The following PCDHGA4 variants were observed in gnomAD, a reference collection of about 807,000 sequenced individuals.
PCDHGA4 encodes the protein protocadherin gamma subfamily A, 4.
PCDHGA4 carries 38 observed loss-of-function variants against 54.6 expected under a neutral mutation model. The observed-to-expected ratio is 0.70, with a 90% CI of 0.54 to 0.91. The LOEUF (loss-of-function observed/expected upper bound fraction) is 0.91, where lower values mean the gene tolerates loss of function less well. Ranked by LOEUF, PCDHGA4 falls within the 40% of genes least tolerant of loss-of-function variation. The pLI, the probability that PCDHGA4 is intolerant of heterozygous loss-of-function variation, is 0.00. For synonymous variants in PCDHGA4, 511 were observed against 512.9 expected, an observed-to-expected ratio of 1.00 and a Z score of 0.05; for missense variants, 1,298 against 1,220.9, an observed-to-expected ratio of 1.06 and a Z score of -0.94.
chr5:141,373,958 C>T, intron 1 of PCDHGA4: 1 of 917,866 alleles, frequency 1.1e-6, no homozygotes, highest in Non-Finnish European at 1.5e-6. Context: ...AAATTCTGAC[C>T]TGAAACGCTT....
In PCDHGA4 at chr5:141,432,184, C is replaced by G; in HGVS notation, c.2515-62623C>G. 1 of 1,614,164 alleles carries G rather than the reference C, an allele frequency of 6.2e-7. No individual in the cohort carries two copies. The highest frequency in any genetic ancestry group is 2.2e-5 in the East Asian group (1 of 44,872). On this transcript the variant is annotated intron_variant, in intron 1 of 3. Coordinates refer to ENST00000571252, the MANE Select transcript of PCDHGA4 (RefSeq NM_018917.4). This position sits in a 1 kb window ranked among gnomAD's most constrained non-coding sequence, Gnocchi z 6.0. Reference sequence around the variant, plus strand: ...GAGGAGTTTCCCTCGTCTCTGTGACCGCCCACGACCCCGACTGTGAAGAGA... The same window carrying G: ...GAGGAGTTTCCCTCGTCTCTGTGACGGCCCACGACCCCGACTGTGAAGAGA...
At chr5:141,409,734 G>A in intron 1 of PCDHGA4, 1 of 1,613,144 alleles carries the variant, frequency 6.2e-7, no homozygotes, top group East Asian at 2.2e-5. Flanking sequence ...AGCGCGCAGA[G>A]CGGGGTGGTG....
chr5:141,376,110 G>C (rs772810239), intron 1 of PCDHGA4: 1 of 1,613,644 alleles, frequency 6.2e-7, no homozygotes. Context: ...GCCGACCTGG[G>C]CAGCCTCGAG....
chr5:141,419,469 A>G, intron 1 of PCDHGA4: 1 of 1,612,490 alleles, frequency 6.2e-7, no homozygotes, highest in South Asian at 1.1e-5. Context: ...GCCCGCGACC[A>G]GGGCTCGCCC....
At chr5:141,413,702 T>G (rs1448671585) in intron 1 of PCDHGA4, 4 of 1,613,606 alleles carry the variant, frequency 2.5e-6, no homozygotes, top group Non-Finnish European at 3.4e-6. Flanking sequence ...AGCTATCAGC[T>G]CAGCCCCAAT....
chr5:141,393,003 G>A (rs1202314944), intron 1 of PCDHGA4: 1 of 1,613,882 alleles, frequency 6.2e-7, no homozygotes, highest in East Asian at 2.2e-5. Flanking sequence ...GAAGCACGGA[G>A]TCCGTATCGT....
chr5:141,378,930 G>T (rs1588866145), intron 1 of PCDHGA4: 1 of 152,190 alleles, frequency 6.6e-6, no homozygotes, highest in East Asian at 1.9e-4. Flanking sequence ...GTAAGTTGAT[G>T]GCCCTGGAAT....
In PCDHGA4 at chr5:141,477,605, T is replaced by A. The variant is rs1339408637; in HGVS notation, c.2515-17202T>A. On this transcript the variant is annotated intron_variant, in intron 1 of 3. Transcript: ENST00000571252. This position sits in a 1 kb window ranked among gnomAD's most constrained non-coding sequence, Gnocchi z 4.9. ...GAATGCTCGGCTTTCTTTCTTTCTCTTGGAGCAAGGAGCTGAAACCGGGCT... is the reference window on the plus strand; with the variant it reads ...GAATGCTCGGCTTTCTTTCTTTCTCATGGAGCAAGGAGCTGAAACCGGGCT... The A allele has an allele frequency of 6.2e-6, 10 of 1,614,102 alleles. No individual in the cohort carries two copies. In the South Asian group the frequency reaches 1.1e-4, roughly 18 times the overall value.
chr5:141,460,511 A>G (rs533913282), intron 1 of PCDHGA4, among the ~76,000 whole-genome samples: 2 of 152,286 alleles, frequency 1.3e-5, no homozygotes, highest in Admixed American at 1.3e-4. Context: ...TGAGAAGGCT[A>G]TCTTTTCCCC....
Position 141,356,831 on chromosome 5 carries a change from G to T in PCDHGA4, c.1724G>T (p.Ser575Ile), listed in dbSNP as rs763145787. ...ASDSGDPPLSSNVSLSLFVLD... is the reference protein window; with the variant it reads ...ASDSGDPPLSINVSLSLFVLD... ...GACAGTGGAGACCCTCCACTCAGCA[G>T]CAATGTGTCACTGAGCCTCTTTGTG... The change falls in exon 1 of 4, where the codon AGC (serine) becomes ATC (isoleucine). Residue 575 changes from serine to isoleucine, a missense_variant. Transcript: ENST00000571252. 40 of 1,614,030 alleles carry T rather than the reference G, an allele frequency of 2.5e-5. No individual in the cohort carries two copies. The highest frequency in any genetic ancestry group is 3.2e-5 in the Non-Finnish European group (38 of 1,180,004).
chr5:141,404,917 G>T (rs750464541), intron 1 of PCDHGA4: 6 of 1,613,652 alleles, frequency 3.7e-6, no homozygotes, highest in East Asian at 2.2e-5. Flanking sequence ...CCCCTCTCTC[G>T]GCCACTGTCA....
chr5:141,505,118 C>T (rs544825360), intron 2 of PCDHGA4, among the ~76,000 whole-genome samples: 32 of 152,222 alleles, frequency 2.1e-4, no homozygotes, highest in African/African-American at 7.5e-4. Flanking sequence ...GCCAAGATCG[C>T]GCCACTGCAC....
chr5:141,450,183 A>G (rs1461369835), intron 1 of PCDHGA4, among the ~76,000 whole-genome samples: 1 of 151,558 alleles, frequency 6.6e-6, no homozygotes, highest in Non-Finnish European at 1.5e-5. Context: ...ACACCCAGCT[A>G]ATTTTTGTAT....
intron 1 of PCDHGA4, chr5:141,388,709 C>T (rs370023698): frequency 1.9e-6 from 3 of 1,613,820 alleles, no homozygotes; most frequent in Admixed American, 3.3e-5. Context: ...GTGTCAATGC[C>T]GAGATTACTT....
chr5:141,423,238 G>C (rs765040062), intron 1 of PCDHGA4: 4 of 1,613,778 alleles, frequency 2.5e-6, no homozygotes, highest in South Asian at 2.2e-5. Context: ...CAGCATCCCC[G>C]AAGTCCTGGC....
rs1384951887 is a variant in PCDHGA4, at chr5:141,465,860, T to C, written c.2515-28947T>C. ...AACTGAGGCTGGGCCCAGTGGCTCA[T>C]GCCTGTAATCCCAGCACTTTGGGAG... On this transcript the variant is annotated intron_variant, in intron 1 of 3. Coordinates refer to ENST00000571252, the MANE Select transcript of PCDHGA4 (RefSeq NM_018917.4). Among the ~76,000 whole-genome samples the C allele has an allele frequency of 2.0e-5, 3 of 152,114 alleles. No individual in the cohort carries two copies. The South Asian group carries it at 6.2e-4, about 32-fold the overall frequency.
intron 1 of PCDHGA4, chr5:141,372,285 A>C (rs1588702702): frequency 6.2e-7 from 1 of 1,613,032 alleles, no homozygotes; most frequent in Non-Finnish European, 8.5e-7. Flanking sequence ...CACGGCGCGT[A>C]CCTTGGGCGA....
Position 141,431,520 on chromosome 5 carries a change from A to T in PCDHGA4, c.2515-63287A>T. ...GAGTACCGCGCGAGCGTTCCGGAGA[A>T]TCTGGCCTTGGGCACGCAGCTGCTT... On this transcript the variant is annotated intron_variant, in intron 1 of 3. Transcript: ENST00000571252. The surrounding 1 kb of genome is among the most constrained non-coding windows in gnomAD (Gnocchi z 4.8). 6.2e-7 allele frequency: 1 copy of T among 1,614,068 alleles called. No homozygotes were observed. Among genetic ancestry groups the T allele is most frequent in the Non-Finnish European group, 8.5e-7 (1 of 1,180,020 alleles).
In PCDHGA4 at chr5:141,405,105, A is replaced by T. The variant is rs1239308721; in HGVS notation, c.2514+47484A>T. The T allele has an allele frequency of 5.6e-6, 9 of 1,613,756 alleles. No individual in the cohort carries two copies. In the Admixed American group the frequency reaches 1.5e-4, roughly 27 times the overall value. Reference sequence around the variant, plus strand: ...ACGCTGCTGGCCCTCAGGCTGAGGCACTGGCACTCCTCGCATCTGCTGCGG... The same window carrying T: ...ACGCTGCTGGCCCTCAGGCTGAGGCTCTGGCACTCCTCGCATCTGCTGCGG... On this transcript the variant is annotated intron_variant, in intron 1 of 3. Coordinates refer to ENST00000571252, the MANE Select transcript of PCDHGA4 (RefSeq NM_018917.4).
Sources: allele counts gnomAD v4.1 joint callset (sites outside exome capture counted in the v4.1 genomes callset), GRCh38; gene constraint gnomAD v4.1.1; non-coding constraint Gnocchi (gnomAD v3.1); transcripts MANE v1.5; gene names NCBI Gene and HGNC (gene_info 2026-07-23, HGNC 2026-07-21).